The following SYNPR variants were observed in gnomAD, a reference collection of about 807,000 sequenced individuals.
SYNPR encodes the protein synaptoporin.
A neutral mutation model predicts 32.9 loss-of-function variants in SYNPR; 23 were observed. That is an observed-to-expected ratio of 0.70 (90% CI 0.50 to 0.99). The LOEUF is 0.99. Among genes scored for constraint, SYNPR ranks in the 50% least tolerant of loss-of-function variants. The pLI, the probability that SYNPR is intolerant of heterozygous loss-of-function variation, is 0.00. For synonymous variants in SYNPR, 146 were observed against 135.9 expected (o/e 1.07, Z -0.52); for missense variants, 318 against 349.3 (o/e 0.91, Z 0.71).
chr3:63,595,753 A>ATATATAGT (rs1699933769), intron 4 of SYNPR, among the ~76,000 whole-genome samples: 1 of 44,764 alleles, frequency 2.2e-5, no homozygotes, highest in Non-Finnish European at 3.4e-5. Flanking sequence ...ATATATATAT[A>ATATATAGT]TATATATATA....
At chr3:63,245,524 G>A (rs1046849489) in intron 1 of SYNPR, among the ~76,000 whole-genome samples, 67 of 151,912 alleles carry the variant, frequency 4.4e-4, no homozygotes, top group African/African-American at 1.6e-3. Flanking sequence ...CCAGAATTGG[G>A]GTAAATTTTA....
chr3:63,336,519 C>CAA (rs3082131), intron 2 of SYNPR, among the ~76,000 whole-genome samples: 23 of 48,824 alleles, frequency 4.7e-4, no homozygotes, highest in East Asian at 2.5e-3. Flanking sequence ...CATTCCCATG[C>CAA]AAAAAAAAAA....
At chr3:63,512,271 C>T (rs1482158422) in intron 3 of SYNPR, among the ~76,000 whole-genome samples, 1 of 152,084 alleles carries the variant, frequency 6.6e-6, no homozygotes, top group Non-Finnish European at 1.5e-5. Context: ...CCTCATTTTC[C>T]CAACCTCAGT....
At chr3:63,538,077 C>A (rs1357436532) in intron 3 of SYNPR, among the ~76,000 whole-genome samples, 1 of 152,034 alleles carries the variant, frequency 6.6e-6, no homozygotes, top group African/African-American at 2.4e-5. Flanking sequence ...CACTTAAGCA[C>A]ACTGTGGTTT....
intron 2 of SYNPR, among the ~76,000 whole-genome samples, chr3:63,455,004 A>G (rs1700455026): frequency 6.6e-6 from 1 of 152,108 alleles, no homozygotes; most frequent in Non-Finnish European, 1.5e-5. Flanking sequence ...TAAGTTTTAG[A>G]ATGGAAAGTT....
intron 3 of SYNPR, among the ~76,000 whole-genome samples, chr3:63,540,430 C>A (rs957924330): frequency 6.6e-6 from 1 of 151,990 alleles, no homozygotes; most frequent in African/African-American, 2.4e-5. Context: ...AAACAAGGTC[C>A]TCAAAGTTGG....
intron 2 of SYNPR, among the ~76,000 whole-genome samples, chr3:63,378,302 A>G (rs925016391): frequency 7.9e-5 from 12 of 152,056 alleles, no homozygotes; most frequent in Non-Finnish European, 1.8e-4. Context: ...AAATAGAGAC[A>G]GTAGAATTAT....
intron 2 of SYNPR, among the ~76,000 whole-genome samples, chr3:63,404,835 C>T (rs1445001565): frequency 2.6e-5 from 4 of 152,060 alleles, no homozygotes; most frequent in Non-Finnish European, 4.4e-5. Flanking sequence ...GTATTTAACA[C>T]GTTTCACATA....
chr3:63,510,537 G>A (rs757440823), intron 3 of SYNPR, among the ~76,000 whole-genome samples: 5 of 152,066 alleles, frequency 3.3e-5, no homozygotes, highest in Admixed American at 6.6e-5. Flanking sequence ...GAAAAGAGAG[G>A]GTTCCTAAAT....
intron 2 of SYNPR, among the ~76,000 whole-genome samples, chr3:63,324,246 A>G (rs751313928): frequency 4.6e-5 from 7 of 151,956 alleles, no homozygotes; most frequent in Non-Finnish European, 1.0e-4. Context: ...CACCTTGATG[A>G]AAAGATATTA....
chr3:63,536,361 A>G (rs1451421048), intron 3 of SYNPR, among the ~76,000 whole-genome samples: 1 of 152,168 alleles, frequency 6.6e-6, no homozygotes. Context: ...AGCACATTAA[A>G]AGGTGCTCAG....
At chr3:63,526,826 C>A (rs1702022080) in intron 3 of SYNPR, among the ~76,000 whole-genome samples, 1 of 152,176 alleles carries the variant, frequency 6.6e-6, no homozygotes, top group Non-Finnish European at 1.5e-5. Context: ...TAGTCTAAAT[C>A]AGGATGCTGG....
At chr3:63,251,434 G>A (rs1182956733) in intron 1 of SYNPR, among the ~76,000 whole-genome samples, 2 of 152,108 alleles carry the variant, frequency 1.3e-5, no homozygotes, top group East Asian at 1.9e-4. Flanking sequence ...AGAGTGGGAG[G>A]TAATGAAGTC....
chr3:63,479,196 A>T (rs757138759), intron 2 of SYNPR, among the ~76,000 whole-genome samples: 10 of 152,166 alleles, frequency 6.6e-5, no homozygotes, highest in Non-Finnish European at 1.3e-4. Context: ...AGCCAGACAG[A>T]TTTGGCTAGG....
chr3:63,398,574 C>T (rs186504982), intron 2 of SYNPR, among the ~76,000 whole-genome samples: 3 of 151,814 alleles, frequency 2.0e-5, no homozygotes, highest in East Asian at 1.9e-4. Context: ...AAAAATTAGC[C>T]GGGCACAGTG....
chr3:63,528,726 T>A (rs756877036), intron 3 of SYNPR, among the ~76,000 whole-genome samples: 1 of 152,106 alleles, frequency 6.6e-6, no homozygotes, highest in Non-Finnish European at 1.5e-5. Flanking sequence ...CCCACAAACA[T>A]ATAAGCACCA....
chr3:63,455,038 C>CT (rs1700455627), intron 2 of SYNPR, among the ~76,000 whole-genome samples: 1 of 151,942 alleles, frequency 6.6e-6, no homozygotes, highest in African/African-American at 2.4e-5. Flanking sequence ...CAAATAAGAT[C>CT]TTTTTTAATA....
intron 4 of SYNPR, among the ~76,000 whole-genome samples, chr3:63,591,508 T>C (rs1169880266): frequency 8.4e-6 from 1 of 119,624 alleles, no homozygotes; most frequent in Non-Finnish European, 1.7e-5. Flanking sequence ...CATGCACACG[T>C]ATGTTTATTG....
intron 5 of SYNPR, 33 bp from the exon 6 acceptor site, chr3:63,615,191 T>C (rs1472158431): frequency 6.2e-7 from 1 of 1,603,604 alleles, no homozygotes; most frequent in Non-Finnish European, 8.5e-7. Context: ...TTTTGTCTAG[T>C]CTATCAATTC....
Sources: allele counts gnomAD v4.1 joint callset (sites outside exome capture counted in the v4.1 genomes callset), GRCh38; gene constraint gnomAD v4.1.1; transcripts MANE v1.5; gene names NCBI Gene and HGNC (gene_info 2026-07-23, HGNC 2026-07-21).